The following ABTB3 variants were observed in gnomAD, a reference collection of about 807,000 sequenced individuals.
ABTB3 encodes the protein ankyrin repeat- and BTB/POZ domain-containing protein 3.
chr12:107,607,730 A>G, the ABTB3 span, among the ~76,000 whole-genome samples: 1 of 152,148 alleles, frequency 6.6e-6, no homozygotes, highest in South Asian at 2.1e-4. Context: ...CATGTCTTGC[A>G]TCTAGAGCCA....
At chr12:107,544,108 G>T in the ABTB3 span, 1 of 1,614,074 alleles carries the variant, frequency 6.2e-7, no homozygotes, top group Non-Finnish European at 8.5e-7. Context: ...CCCCAACGTG[G>T]AGCCTTCCAA....
chr12:107,402,691 C>T, the ABTB3 span, among the ~76,000 whole-genome samples: 13 of 152,308 alleles, frequency 8.5e-5, no homozygotes, highest in African/African-American at 2.6e-4. Flanking sequence ...CTGCCTCCGC[C>T]GCCAGGATTC....
the ABTB3 span, among the ~76,000 whole-genome samples, chr12:107,551,609 A>G: frequency 6.6e-6 from 1 of 152,170 alleles, no homozygotes. Context: ...AACCACACTC[A>G]TTTGTTTACA....
chr12:107,592,738 G>A, the ABTB3 span, among the ~76,000 whole-genome samples: 1 of 152,180 alleles, frequency 6.6e-6, no homozygotes. Context: ...GCATGCATAG[G>A]AATGACAAAT....
the ABTB3 span, chr12:107,618,399 C>T: frequency 1.3e-6 from 2 of 1,592,506 alleles, no homozygotes; most frequent in East Asian, 4.5e-5. Context: ...GCACCCTCCA[C>T]CACGGGCACC....
chr12:107,319,367 A>G, the ABTB3 span: 4 of 1,571,108 alleles, frequency 2.5e-6, no homozygotes, highest in Non-Finnish European at 3.4e-6. Context: ...GCTGGTGCGC[A>G]TAGCCAAAGA....
the ABTB3 span, among the ~76,000 whole-genome samples, chr12:107,421,414 T>C: frequency 6.6e-6 from 1 of 152,192 alleles, no homozygotes; most frequent in Non-Finnish European, 1.5e-5. Context: ...AGATAATATA[T>C]TGGTGCCAGA....
the ABTB3 span, among the ~76,000 whole-genome samples, chr12:107,449,181 A>G: frequency 6.6e-6 from 1 of 152,192 alleles, no homozygotes; most frequent in South Asian, 2.1e-4. Flanking sequence ...CAGAGCCTAT[A>G]GCCAGCTGGG....
the ABTB3 span, among the ~76,000 whole-genome samples, chr12:107,579,682 C>A: frequency 6.6e-6 from 1 of 152,244 alleles, no homozygotes; most frequent in Admixed American, 6.5e-5. Flanking sequence ...TACCTGTCAT[C>A]CTCTTCTCAA....
chr12:107,385,587 G>C, the ABTB3 span, among the ~76,000 whole-genome samples: 9 of 152,132 alleles, frequency 5.9e-5, no homozygotes, highest in African/African-American at 2.2e-4. Flanking sequence ...AAGCCTTCCC[G>C]AGGTGTGGTG....
the ABTB3 span, chr12:107,612,986 A>G: frequency 1.1e-6 from 1 of 915,780 alleles, no homozygotes; most frequent in South Asian, 1.6e-5. Context: ...TGCAACAGAT[A>G]GCTCTTTCCT....
At chr12:107,330,792 C>T in the ABTB3 span, among the ~76,000 whole-genome samples, 1 of 152,218 alleles carries the variant, frequency 6.6e-6, no homozygotes, top group Non-Finnish European at 1.5e-5. Flanking sequence ...TGTAATATCT[C>T]CGGTTTTGCT....
the ABTB3 span, among the ~76,000 whole-genome samples, chr12:107,470,006 TTC>T: frequency 2.1e-5 from 1 of 47,222 alleles, no homozygotes; most frequent in African/African-American, 1.3e-4. Context: ...CTTTCTTTCT[TTC>T]TTTCTCTCTC....
chr12:107,618,194 G>A, the ABTB3 span: 10,317 of 1,614,134 alleles, frequency 6.4e-3, 45 homozygotes, highest in Non-Finnish European at 7.8e-3. Flanking sequence ...AGCCAGAGAA[G>A]GAGAAGAGTG....
the ABTB3 span, among the ~76,000 whole-genome samples, chr12:107,593,468 A>G: frequency 6.6e-6 from 1 of 152,198 alleles, no homozygotes; most frequent in African/African-American, 2.4e-5. Context: ...GAAGAAGGCC[A>G]TCAGTTCTTT....
chr12:107,434,162 G>T, the ABTB3 span, among the ~76,000 whole-genome samples: 2 of 152,224 alleles, frequency 1.3e-5, no homozygotes, highest in African/African-American at 4.8e-5. Flanking sequence ...GAGGGAAACT[G>T]GTAGCCAGTG....
chr12:107,477,524 C>A, the ABTB3 span, among the ~76,000 whole-genome samples: 2 of 152,064 alleles, frequency 1.3e-5, no homozygotes, highest in Non-Finnish European at 2.9e-5. Context: ...CTTGTGTGTG[C>A]TTTAGAGTGA....
At chr12:107,470,368 T>C in the ABTB3 span, among the ~76,000 whole-genome samples, 4 of 152,130 alleles carry the variant, frequency 2.6e-5, no homozygotes, top group Non-Finnish European at 1.5e-5. Context: ...AAGGTGCTTA[T>C]GGTAGGGGCT....
chr12:107,651,656 T>G, the ABTB3 span: 1 of 1,597,626 alleles, frequency 6.3e-7, no homozygotes, highest in South Asian at 1.1e-5. Context: ...TCTAACAGAC[T>G]CTTTTTGTGA....
Sources: gnomAD v4.1 joint callset for allele counts (sites outside exome capture counted in the v4.1 genomes callset) on GRCh38, gnomAD v4.1.1 for gene constraint, MANE v1.5 for transcripts, NCBI Gene and HGNC (gene_info 2026-07-23, HGNC 2026-07-21) for gene names.